Variants in BBS9 observed in about 807,000 individuals in gnomAD.
The protein encoded by BBS9 is protein PTHB1.
BBS9 carries 89 observed loss-of-function variants against 117.7 expected under a neutral mutation model. The ratio of observed to expected loss-of-function variants is 0.76; its 90% confidence interval spans 0.64 to 0.90. The LOEUF (loss-of-function observed/expected upper bound fraction) is 0.90, where lower values mean the gene tolerates loss of function less well. Ranked by LOEUF, BBS9 falls within the 40% of genes least tolerant of loss-of-function variation. The pLI, the probability that BBS9 is intolerant of heterozygous loss-of-function variation, is 0.00. For synonymous variants in BBS9, 379 were observed against 370.9 expected, an observed-to-expected ratio of 1.02 and a Z score of -0.25; for missense variants, 982 against 1,042.2, an observed-to-expected ratio of 0.94 and a Z score of 0.80.
intron 11 of BBS9, among the ~76,000 whole-genome samples, chr7:33,344,346 G>A (rs1424816829): frequency 1.3e-5 from 2 of 151,966 alleles, no homozygotes; most frequent in Non-Finnish European, 2.9e-5. Context: ...TGGGATTACA[G>A]GCGTGAGCCA....
chr7:33,370,701 G>A (rs1006259774), intron 17 of BBS9, among the ~76,000 whole-genome samples: 9 of 151,994 alleles, frequency 5.9e-5, no homozygotes, highest in Non-Finnish European at 8.8e-5. Context: ...ATATTCTTAC[G>A]CTGCTTTCCT....
At chr7:33,408,236 T>C (rs1307809015) in intron 19 of BBS9, among the ~76,000 whole-genome samples, 3 of 152,098 alleles carry the variant, frequency 2.0e-5, no homozygotes, top group Non-Finnish European at 4.4e-5. Context: ...TAGGACCCTC[T>C]GAGCCAGGTG....
intron 4 of BBS9, among the ~76,000 whole-genome samples, chr7:33,166,139 C>A (rs1795643462): frequency 6.6e-6 from 1 of 152,196 alleles, no homozygotes; most frequent in African/African-American, 2.4e-5. Context: ...CCACTCCAGA[C>A]ACTGTTTGTC....
rs138518690 is a variant in BBS9, at chr7:33,413,748, G to T, written c.2115+25604G>T. ...GAATTAAAGCCAGACCAGGCCGGGC[G>T]CAGTGGCTCACGCCTGTAATCCCAG... is the stretch of plus-strand genomic sequence containing the variant. On this transcript the variant is annotated intron_variant, in intron 19 of 22. Coordinates refer to ENST00000242067, the MANE Select transcript of BBS9 (RefSeq NM_198428.3). 3.6e-3 allele frequency among the ~76,000 whole-genome samples: 543 copies of T among 152,268 alleles called. 4 individuals are homozygous for T. The highest frequency in any genetic ancestry group is 0.012 in the African/African-American group (511 of 41,564).
chr7:33,534,263 T>G lies in BBS9; in HGVS notation c.2521+87T>G, dbSNP rs1851033161. 8 of 1,397,852 alleles carry G rather than the reference T, an allele frequency of 5.7e-6. No individual in the cohort carries two copies. In the South Asian group the frequency reaches 7.4e-5, roughly 13 times the overall value. 86.6% of individuals were successfully genotyped at this position (1,397,852 alleles called of 1,614,324 possible). On this transcript the variant is annotated intron_variant, in intron 21 of 22. Transcript: ENST00000242067. Reference sequence around the variant, plus strand: ...CCTGTGGTTGTATTTGGGGTTTAAATTTCATATTAAAGTGATGATAGCCAA... The same window carrying G: ...CCTGTGGTTGTATTTGGGGTTTAAAGTTCATATTAAAGTGATGATAGCCAA...
intron 6 of BBS9, among the ~76,000 whole-genome samples, chr7:33,257,628 C>G (rs1296285415): frequency 3.3e-5 from 5 of 152,112 alleles, no homozygotes; most frequent in Non-Finnish European, 5.9e-5. Context: ...GGATTGGAAT[C>G]CTGATTTTAC....
intron 19 of BBS9, among the ~76,000 whole-genome samples, chr7:33,496,152 A>G (rs941585273): frequency 6.6e-5 from 10 of 152,102 alleles, no homozygotes; most frequent in Admixed American, 5.9e-4. Context: ...GAAGTTTTTT[A>G]CTGACTGGGT....
At chr7:33,178,181 A>G (rs1414751575) in intron 5 of BBS9, among the ~76,000 whole-genome samples, 1 of 152,216 alleles carries the variant, frequency 6.6e-6, no homozygotes, top group African/African-American at 2.4e-5. Flanking sequence ...GGCAGCTGGA[A>G]GAGTGGGGGA....
At chr7:33,228,982 G>A (rs1439756392) in intron 5 of BBS9, among the ~76,000 whole-genome samples, 1 of 152,140 alleles carries the variant, frequency 6.6e-6, no homozygotes, top group Admixed American at 6.5e-5. Flanking sequence ...TTTTTGAGAT[G>A]TACAGAGGGA....
chr7:33,493,410 T>A (rs1158413501), intron 19 of BBS9, among the ~76,000 whole-genome samples: 1 of 152,194 alleles, frequency 6.6e-6, no homozygotes, highest in African/African-American at 2.4e-5. Flanking sequence ...CACACACAAA[T>A]CTGAAATTCT....
intron 21 of BBS9, among the ~76,000 whole-genome samples, chr7:33,536,994 G>A (rs1225768305): frequency 6.6e-6 from 1 of 151,858 alleles, no homozygotes; most frequent in East Asian, 1.9e-4. Flanking sequence ...TATTAGAAAG[G>A]ACTGGATTAC....
intron 13 of BBS9, among the ~76,000 whole-genome samples, chr7:33,349,631 A>G (rs928890392): frequency 6.6e-6 from 1 of 152,034 alleles, no homozygotes; most frequent in Non-Finnish European, 1.5e-5. Context: ...GGGTTTCGCC[A>G]TGTTATCCAG....
chr7:33,153,499 A>T (rs1793660836), intron 3 of BBS9, among the ~76,000 whole-genome samples: 1 of 152,258 alleles, frequency 6.6e-6, no homozygotes, highest in Non-Finnish European at 1.5e-5. Flanking sequence ...ATTTAGAAGT[A>T]CGATGAACAC....
At chr7:33,550,057 T>G (rs1854127536) in intron 21 of BBS9, among the ~76,000 whole-genome samples, 1 of 23,840 alleles carries the variant, frequency 4.2e-5, no homozygotes, top group Non-Finnish European at 6.6e-5. Flanking sequence ...ATATAACAAT[T>G]TTTTTTTCAA....
rs114651423 is a variant in BBS9 at position 33,456,280 on chromosome 7, T to C, written c.2116-49183T>C. Reference sequence around the variant, plus strand: ...GTTGAATTTCCCATAGGCTTTGAATTTGAATGTAAATTCTAGAATTTGTTC... The same window carrying C: ...GTTGAATTTCCCATAGGCTTTGAATCTGAATGTAAATTCTAGAATTTGTTC... On this transcript the variant is annotated intron_variant, in intron 19 of 22. Coordinates refer to ENST00000242067, the MANE Select transcript of BBS9 (RefSeq NM_198428.3). 3.0e-3 allele frequency among the ~76,000 whole-genome samples: 455 copies of C among 152,338 alleles called. 4 individuals are homozygous for C. Among genetic ancestry groups the C allele is most frequent in the African/African-American group, 0.01 (427 of 41,578 alleles).
chr7:33,617,023 C>A (rs1280841348), intron 21 of BBS9, among the ~76,000 whole-genome samples: 2 of 151,552 alleles, frequency 1.3e-5, no homozygotes, highest in Non-Finnish European at 2.9e-5. Flanking sequence ...TTCAGTGTTG[C>A]AAAAAAGACA....
intron 19 of BBS9, among the ~76,000 whole-genome samples, chr7:33,495,076 C>T (rs529173435): frequency 6.6e-6 from 1 of 152,266 alleles, no homozygotes; most frequent in East Asian, 1.9e-4. Flanking sequence ...GAGAAGTAGG[C>T]CCTCTGAAAA....
intron 19 of BBS9, among the ~76,000 whole-genome samples, chr7:33,430,647 T>C (rs986061543): frequency 7.2e-5 from 11 of 152,238 alleles, no homozygotes; most frequent in Admixed American, 1.3e-4. Context: ...TTATCTCTGC[T>C]TCTTTCCTCT....
In BBS9 at chr7:33,209,865, A is replaced by G. The variant is rs901515186; in HGVS notation, c.442+32274A>G. Among the ~76,000 whole-genome samples the G allele has an allele frequency of 3.3e-5, 5 of 152,028 alleles. No individual in the cohort carries two copies. In the East Asian group the frequency reaches 5.8e-4, roughly 18 times the overall value. On this transcript the variant is annotated intron_variant, in intron 5 of 22. Coordinates refer to ENST00000242067, the MANE Select transcript of BBS9 (RefSeq NM_198428.3). The stretch of plus-strand genomic sequence containing the variant: ...ACTTTTTGTGTCATTGATCCTTTCT[A>G]CTGTTTTGTTAATTTCAAATTCATT...
Sources: gnomAD v4.1 joint callset for allele counts (sites outside exome capture counted in the v4.1 genomes callset) on GRCh38, gnomAD v4.1.1 for gene constraint, MANE v1.5 for transcripts, NCBI Gene and HGNC (gene_info 2026-07-23, HGNC 2026-07-21) for gene names.